The following PDE4D variants were observed in gnomAD, a reference collection of about 807,000 sequenced individuals.
The protein encoded by PDE4D is phosphodiesterase 4D, also known as 3',5'-cyclic-AMP phosphodiesterase 4D.
A neutral mutation model predicts 87.4 loss-of-function variants in PDE4D; 24 were observed. The observed-to-expected ratio is 0.27, with a 90% CI of 0.20 to 0.39. PDE4D has a LOEUF of 0.39. Among genes scored for constraint, PDE4D ranks in the 10% least tolerant of loss-of-function variants. PDE4D has a pLI of 1.00. For missense variants in PDE4D, 714 were observed against 1,041.0 expected, an observed-to-expected ratio of 0.69 and a Z score of 4.32; for synonymous variants, 384 against 383.2, an observed-to-expected ratio of 1.00 and a Z score of -0.02.
chr5:60,060,691 C>G (rs754318552), intron 2 of PDE4D, among the ~76,000 whole-genome samples: 1 of 151,976 alleles, frequency 6.6e-6, no homozygotes, highest in Non-Finnish European at 1.5e-5. Context: ...TGGGACCTGG[C>G]TATTAAATGT....
At chr5:60,172,112 ATTATAT>A (rs1349310052) in intron 2 of PDE4D, among the ~76,000 whole-genome samples, 1 of 147,062 alleles carries the variant, frequency 6.8e-6, no homozygotes, top group African/African-American at 2.5e-5. Context: ...ATATATATAT[ATTATAT>A]TATATATATA....
chr5:60,510,954 G>T (rs1750543331), intron 1 of PDE4D, among the ~76,000 whole-genome samples: 1 of 151,488 alleles, frequency 6.6e-6, no homozygotes, highest in African/African-American at 2.4e-5. Context: ...TGCCGTGGTA[G>T]TTTTTTTGTT....
intron 1 of PDE4D, among the ~76,000 whole-genome samples, chr5:59,835,646 T>C (rs1446024848): frequency 6.6e-6 from 1 of 152,048 alleles, no homozygotes; most frequent in African/African-American, 2.4e-5. Context: ...TCATAAATAA[T>C]AATAAATGTA....
intron 1 of PDE4D, among the ~76,000 whole-genome samples, chr5:59,443,964 G>T (rs1434876297): frequency 6.6e-6 from 1 of 151,898 alleles, no homozygotes; most frequent in Non-Finnish European, 1.5e-5. Flanking sequence ...GGTACAAGAG[G>T]GTAACACTAA....
intron 1 of PDE4D, among the ~76,000 whole-genome samples, chr5:60,404,990 GC>G (rs1445344709): frequency 6.6e-6 from 1 of 152,222 alleles, no homozygotes; most frequent in Non-Finnish European, 1.5e-5. Flanking sequence ...GCAGCCACCT[GC>G]CCTACCTCAT....
At chr5:59,199,264 T>A (rs937374391) in intron 2 of PDE4D, among the ~76,000 whole-genome samples, 1 of 151,930 alleles carries the variant, frequency 6.6e-6, no homozygotes, top group African/African-American at 2.4e-5. Context: ...ATCCTTTTTT[T>A]TTTTTTTTCA....
intron 1 of PDE4D, among the ~76,000 whole-genome samples, chr5:59,313,828 T>C (rs1773167754): frequency 6.6e-6 from 1 of 152,158 alleles, no homozygotes; most frequent in African/African-American, 2.4e-5. Flanking sequence ...AATCCCCTCA[T>C]GGAAAGGCCC....
At chr5:59,790,914 A>C (rs1561667102) in intron 1 of PDE4D, among the ~76,000 whole-genome samples, 1 of 152,216 alleles carries the variant, frequency 6.6e-6, no homozygotes, top group Non-Finnish European at 1.5e-5. Flanking sequence ...CATTGTGCTC[A>C]GCGTGGGTTC....
chr5:59,343,593 G>A (rs1003114232), intron 1 of PDE4D, among the ~76,000 whole-genome samples: 45 of 152,152 alleles, frequency 3.0e-4, no homozygotes, highest in Admixed American at 2.9e-3. Context: ...TTTGTTGGAT[G>A]AATTATTGAA....
intron 5 of PDE4D, among the ~76,000 whole-genome samples, chr5:59,070,189 A>G (rs1243553546): frequency 1.3e-5 from 2 of 152,202 alleles, no homozygotes; most frequent in Non-Finnish European, 2.9e-5. Flanking sequence ...AAAACTTAGC[A>G]ACTATGTTAT....
chr5:59,800,612 C>T (rs910310123), intron 1 of PDE4D, among the ~76,000 whole-genome samples: 3 of 152,014 alleles, frequency 2.0e-5, no homozygotes, highest in Non-Finnish European at 2.9e-5. Flanking sequence ...TCTTCCCCTC[C>T]CCACCCCTAC....
chr5:60,099,702 C>G (rs573437655), intron 2 of PDE4D, among the ~76,000 whole-genome samples: 1 of 151,800 alleles, frequency 6.6e-6, no homozygotes, highest in African/African-American at 2.4e-5. Context: ...CATTTCTCAC[C>G]AATTAGATGT....
At chr5:60,101,886 G>A (rs1211284823) in intron 2 of PDE4D, among the ~76,000 whole-genome samples, 1 of 152,078 alleles carries the variant, frequency 6.6e-6, no homozygotes, top group African/African-American at 2.4e-5. Flanking sequence ...TACTGTGGAT[G>A]ACTAACACTT....
chr5:59,578,834 T>C (rs1310703813), intron 1 of PDE4D, among the ~76,000 whole-genome samples: 1 of 152,134 alleles, frequency 6.6e-6, no homozygotes, highest in East Asian at 1.9e-4. Flanking sequence ...TGTCCACAAG[T>C]TTCCCAGCTC....
intron 1 of PDE4D, among the ~76,000 whole-genome samples, chr5:59,786,673 C>G (rs1481498158): frequency 6.6e-6 from 1 of 152,208 alleles, no homozygotes; most frequent in Non-Finnish European, 1.5e-5. Flanking sequence ...TGAACATTTC[C>G]TCATGTTCAG....
At chr5:60,165,115 G>C (rs139831614) in intron 2 of PDE4D, among the ~76,000 whole-genome samples, 1 of 152,122 alleles carries the variant, frequency 6.6e-6, no homozygotes, top group East Asian at 1.9e-4. Context: ...GATTCTATAT[G>C]AGTGTGGTCA....
Position 60,419,627 on chromosome 5 carries a change from T to G in PDE4D, c.-90+68315A>C, listed in dbSNP as rs76428674. ...CTGATCAAAAATAAAATGATTAGAA[T>G]TACAAATTTTTTAAGATAGGCAGAA... On this transcript the variant is annotated intron_variant, in intron 1 of 16. Coordinates refer to the PDE4D transcript ENST00000502484. Among the ~76,000 whole-genome samples the G allele has an allele frequency of 8.3e-4, 126 of 152,106 alleles. 1 individual carries two copies. The East Asian group carries it at 0.023, about 28-fold the overall frequency.
intron 3 of PDE4D, among the ~76,000 whole-genome samples, chr5:59,957,345 C>T (rs1561909122): frequency 1.3e-5 from 2 of 151,322 alleles, no homozygotes; most frequent in Non-Finnish European, 2.9e-5. Flanking sequence ...GACATTTTTA[C>T]ATAATTCTAC....
At chr5:60,521,677 A>C (rs1583981666) in intron 1 of PDE4D, 2 of 152,150 alleles carry the variant, frequency 1.3e-5, no homozygotes, top group Admixed American at 6.6e-5. Context: ...ACAGAGAATA[A>C]GGGAGAGGGG....
Sources: gnomAD v4.1 joint callset for allele counts (sites outside exome capture counted in the v4.1 genomes callset) on GRCh38, gnomAD v4.1.1 for gene constraint, MANE v1.5 for transcripts, NCBI Gene and HGNC (gene_info 2026-07-23, HGNC 2026-07-21) for gene names.